The following WDR25 variants were observed in gnomAD, a reference collection of about 807,000 sequenced individuals.
The protein encoded by WDR25 is WD repeat domain 25.
A neutral mutation model predicts 47.7 loss-of-function variants in WDR25; 35 were observed. The ratio of observed to expected loss-of-function variants is 0.73; its 90% confidence interval spans 0.56 to 0.97. The LOEUF (loss-of-function observed/expected upper bound fraction) is 0.97, where lower values mean the gene tolerates loss of function less well. Ranked by LOEUF, WDR25 falls within the 50% of genes least tolerant of loss-of-function variation. The pLI, the probability that WDR25 is intolerant of heterozygous loss-of-function variation, is 0.00. For synonymous variants in WDR25, 248 were observed against 278.9 expected (o/e 0.89, Z 1.10); for missense variants, 634 against 704.7 (o/e 0.90, Z 1.14).
Position 100,381,559 on chromosome 14 carries a change from A to C in WDR25, c.635A>C (p.Tyr212Ser), listed in dbSNP as rs370199837. The change falls in exon 2 of 7, where the codon TAC (tyrosine) becomes TCC (serine). Residue 212 changes from tyrosine to serine, a missense_variant. Transcript: ENST00000402312. The part of the protein sequence containing the change: ...PPAGRAPAPL[Y>S]VGPGVSEFIQ... Reference sequence around the variant, plus strand: ...GCAGGGCGTGCCCCAGCCCCTCTCTACGTGGGCCCGGGAGTGTCTGAGTTT... The same window carrying C: ...GCAGGGCGTGCCCCAGCCCCTCTCTCCGTGGGCCCGGGAGTGTCTGAGTTT... 3 of 1,609,472 alleles carry C rather than the reference A, an allele frequency of 1.9e-6. No individual in the cohort carries two copies. The South Asian group carries it at 3.3e-5, about 18-fold the overall frequency.
rs149201789 is a variant in WDR25 at position 100,431,894 on chromosome 14, G to A, written c.823-36127G>A. On this transcript the variant is annotated intron_variant, in intron 2 of 6. Coordinates refer to ENST00000402312, the MANE Select transcript of WDR25 (RefSeq NM_001161476.3). ...CCAGCTAATTTTTGTATTTTTAGTA[G>A]AGATGGGGTTTCACCAGATTGATCA... Among the ~76,000 whole-genome samples the A allele has an allele frequency of 4.5e-4, 69 of 152,284 alleles. 1 individual carries two copies. Among genetic ancestry groups the A allele is most frequent in the African/African-American group, 1.7e-3 (69 of 41,564 alleles).
intron 4 of WDR25, among the ~76,000 whole-genome samples, chr14:100,514,005 G>A (rs993924812): frequency 2.7e-5 from 4 of 149,876 alleles, no homozygotes; most frequent in Non-Finnish European, 5.9e-5. Flanking sequence ...GCGCAATCTC[G>A]GCTCACTGCA....
At chr14:100,444,556 AGG>A (rs1452722970) in intron 2 of WDR25, among the ~76,000 whole-genome samples, 211 of 9,310 alleles carry the variant, frequency 0.023, no homozygotes, top group African/African-American at 0.051. Flanking sequence ...CACTGGCCCC[AGG>A]CCCCAGGCCC....
chr14:100,468,190 CCT>C lies in WDR25; in HGVS notation c.970+23_970+24del, dbSNP rs776229615. The stretch of plus-strand genomic sequence containing the variant: ...ACAGGTGCGTTTCTTGTGTCACCTC[CCT>C]GAGGTGAGCTGGCAGCTCTCTCCCT... On this transcript the variant is annotated intron_variant, in intron 3 of 6. Transcript: ENST00000402312. The surrounding 1 kb of genome is among the most constrained non-coding windows in gnomAD (Gnocchi z 4.5). The C allele has an allele frequency of 2.5e-4, 407 of 1,601,674 alleles. 1 individual carries two copies. Among genetic ancestry groups the C allele is most frequent in the Non-Finnish European group, 3.4e-4 (403 of 1,172,906 alleles).
At chr14:100,508,751 G>C (rs1566942115) in intron 4 of WDR25, among the ~76,000 whole-genome samples, 1 of 152,082 alleles carries the variant, frequency 6.6e-6, no homozygotes, top group Non-Finnish European at 1.5e-5. Context: ...GTTTTTCATA[G>C]ATACCTTAAG....
intron 2 of WDR25, among the ~76,000 whole-genome samples, chr14:100,402,543 G>C (rs998404812): frequency 9.2e-5 from 14 of 152,094 alleles, no homozygotes; most frequent in African/African-American, 2.4e-4. Flanking sequence ...GTCCAAATGG[G>C]GTTCTGTCAT....
intron 4 of WDR25, among the ~76,000 whole-genome samples, chr14:100,514,835 G>T (rs983558549): frequency 6.6e-6 from 1 of 151,818 alleles, no homozygotes; most frequent in Non-Finnish European, 1.5e-5. Flanking sequence ...ATTTAGATCT[G>T]GTATCATTTT....
At position 100,380,985 on chromosome 14, in the gene WDR25, G is replaced by C; in HGVS notation, c.61G>C (p.Glu21Gln). Residue 21 changes from glutamate (E) to glutamine (Q), a missense_variant, in exon 2 of 7, where the codon GAG (glutamate) becomes CAG (glutamine). Coordinates refer to ENST00000402312, the MANE Select transcript of WDR25 (RefSeq NM_001161476.3). Reference sequence around the variant, plus strand: ...GGTAGCGTATGATGATTCGGACTCGGAGGCTGAGACAGAGCATGCAGGAAG... The same window carrying C: ...GGTAGCGTATGATGATTCGGACTCGCAGGCTGAGACAGAGCATGCAGGAAG... ...SLVAYDDSDS[E>Q]AETEHAGSFN... 1.2e-6 allele frequency: 2 copies of C among 1,614,222 alleles called. No homozygotes were observed. Among genetic ancestry groups the C allele is most frequent in the Non-Finnish European group, 8.5e-7 (1 of 1,180,046 alleles).
intron 4 of WDR25, among the ~76,000 whole-genome samples, chr14:100,511,333 T>A (rs1370075649): frequency 6.6e-6 from 1 of 152,242 alleles, no homozygotes; most frequent in African/African-American, 2.4e-5. Context: ...TTGCTCATGG[T>A]TAGTATATAG....
chr14:100,381,786 A>AGG, intron 2 of WDR25, 40 bp downstream of exon 2: 1 of 1,479,972 alleles, frequency 6.8e-7, no homozygotes, highest in Non-Finnish European at 9.2e-7. Context: ...AGATGCTCTT[A>AGG]GGAATACACT....
chr14:100,515,760 G>T (rs2140371195), intron 4 of WDR25, among the ~76,000 whole-genome samples: 1 of 150,482 alleles, frequency 6.6e-6, no homozygotes, highest in Non-Finnish European at 1.5e-5. Flanking sequence ...TTAGTAGCTG[G>T]AATTACAGGC....
intron 2 of WDR25, among the ~76,000 whole-genome samples, chr14:100,432,547 C>T (rs901855793): frequency 7.9e-5 from 12 of 152,378 alleles, no homozygotes; most frequent in African/African-American, 2.9e-4. Context: ...AATCCCCAGA[C>T]ACCCTTCACC....
chr14:100,486,469 C>T lies in WDR25; in HGVS notation c.1101+2345C>T, dbSNP rs140035947. Among the ~76,000 whole-genome samples the T allele has an allele frequency of 4.4e-3, 669 of 152,338 alleles. 2 individuals are homozygous for T. The highest frequency in any genetic ancestry group is 7.7e-3 in the Non-Finnish European group (521 of 68,034). Reference sequence around the variant, plus strand: ...AGTATTTGTTTTTACTTCCTTTCTACCAACAATCCTCCCCCACTGGGTCAC... The same window carrying T: ...AGTATTTGTTTTTACTTCCTTTCTATCAACAATCCTCCCCCACTGGGTCAC... On this transcript the variant is annotated intron_variant, in intron 4 of 6. Transcript: ENST00000402312.
intron 2 of WDR25, chr14:100,454,670 C>A: frequency 2.7e-6 from 1 of 369,014 alleles, no homozygotes; most frequent in Non-Finnish European, 5.3e-6. Context: ...TAAGCATAGG[C>A]TCCAGTCTGT....
At chr14:100,509,462 C>T (rs1383992594) in intron 4 of WDR25, among the ~76,000 whole-genome samples, 1 of 152,146 alleles carries the variant, frequency 6.6e-6, no homozygotes, top group Non-Finnish European at 1.5e-5. Flanking sequence ...TGCAGAACTT[C>T]CTTTAGCATT....
intron 2 of WDR25, among the ~76,000 whole-genome samples, chr14:100,432,076 T>TG (rs1012027309): frequency 7.9e-5 from 12 of 152,332 alleles, no homozygotes; most frequent in African/African-American, 2.9e-4. Context: ...GTTTCTTCTG[T>TG]GCAGTTGATG....
intron 2 of WDR25, among the ~76,000 whole-genome samples, chr14:100,394,084 GTAT>G (rs1448746738): frequency 1.3e-5 from 2 of 152,202 alleles, no homozygotes; most frequent in African/African-American, 4.8e-5. Context: ...CAAATGGAAG[GTAT>G]TATCAAGAAC....
chr14:100,477,848 T>G (rs1476370411), intron 3 of WDR25, among the ~76,000 whole-genome samples: 1 of 152,042 alleles, frequency 6.6e-6, no homozygotes, highest in Admixed American at 6.5e-5. Flanking sequence ...TCCCAGCAAT[T>G]TGGGAGGCCG....
intron 3 of WDR25, among the ~76,000 whole-genome samples, chr14:100,478,805 C>T (rs1028029341): frequency 1.3e-5 from 2 of 152,164 alleles, no homozygotes; most frequent in African/African-American, 4.8e-5. Flanking sequence ...CATCTTTCTT[C>T]CCCATTGTTG....
Sources: allele counts gnomAD v4.1 joint callset (sites outside exome capture counted in the v4.1 genomes callset), GRCh38; gene constraint gnomAD v4.1.1; non-coding constraint Gnocchi (gnomAD v3.1); transcripts MANE v1.5; gene names NCBI Gene and HGNC (gene_info 2026-07-23, HGNC 2026-07-21).